Variants in FMN2 observed in about 807,000 individuals in gnomAD.
FMN2 encodes formin 2.
Under a neutral mutation model 142.3 loss-of-function variants are expected in FMN2, and 51 were observed. That is an observed-to-expected ratio of 0.36 (90% confidence interval 0.29 to 0.45). FMN2 has a LOEUF of 0.45. FMN2 is among the 20% of genes least tolerant of loss of function. The probability of loss-of-function intolerance (pLI) is 1.00; values close to 1 mark genes in which losing one functional copy is unlikely to be tolerated. For missense variants in FMN2, 1,936 were observed against 2,122.8 expected, an observed-to-expected ratio of 0.91 and a Z score of 1.73; for synonymous variants, 882 against 869.8, an observed-to-expected ratio of 1.01 and a Z score of -0.25.
At chr1:240,114,811 C>T (rs1378290734) in intron 1 of FMN2, among the ~76,000 whole-genome samples, 2 of 152,052 alleles carry the variant, frequency 1.3e-5, no homozygotes, top group Non-Finnish European at 2.9e-5. Context: ...GCATGCTCCA[C>T]CATGCCCAGC....
At chr1:240,324,416 G>A (rs757266367) in intron 8 of FMN2, among the ~76,000 whole-genome samples, 4 of 152,228 alleles carry the variant, frequency 2.6e-5, no homozygotes, top group South Asian at 2.1e-4. Context: ...CCAGCACTTC[G>A]GGAGCTCCAG....
chr1:240,276,383 T>C (rs1572145503), intron 7 of FMN2, among the ~76,000 whole-genome samples: 1 of 152,128 alleles, frequency 6.6e-6, no homozygotes, highest in Non-Finnish European at 1.5e-5. Flanking sequence ...TGGTTAAGAA[T>C]GTGTGTTAGG....
chr1:240,094,241 A>T (rs532332664), intron 1 of FMN2, among the ~76,000 whole-genome samples: 1 of 152,214 alleles, frequency 6.6e-6, no homozygotes, highest in South Asian at 2.1e-4. Context: ...TGTATGTGAT[A>T]TGTAGTTTCT....
intron 1 of FMN2, among the ~76,000 whole-genome samples, chr1:240,101,920 T>C (rs1369485597): frequency 6.6e-6 from 1 of 152,160 alleles, no homozygotes; most frequent in African/African-American, 2.4e-5. Flanking sequence ...GCACAAAATA[T>C]ACTGAGTCAT....
intron 3 of FMN2, among the ~76,000 whole-genome samples, chr1:240,181,354 C>G (rs1403798754): frequency 2.6e-5 from 4 of 152,156 alleles, no homozygotes; most frequent in African/African-American, 9.7e-5. Flanking sequence ...CCAGCTAGTT[C>G]AGATTTGTGG....
chr1:240,321,765 A>G (rs1670980260), intron 8 of FMN2, among the ~76,000 whole-genome samples: 1 of 152,216 alleles, frequency 6.6e-6, no homozygotes, highest in Non-Finnish European at 1.5e-5. Flanking sequence ...TATAAGCCAG[A>G]CAATAAACAG....
rs192873868 is a variant in FMN2, at chr1:240,148,747, G to A, written c.1782+25402G>A. 1.0e-2 allele frequency among the ~76,000 whole-genome samples: 1,517 copies of A among 152,230 alleles called. 16 individuals are homozygous for A. The highest frequency in any genetic ancestry group is 0.016 in the Non-Finnish European group (1,109 of 68,010). On this transcript the variant is annotated intron_variant, in intron 2 of 17. Coordinates refer to ENST00000319653, the MANE Select transcript of FMN2 (RefSeq NM_020066.5). ...TGTAATCCCAGCACTTTGGGAGGCC[G>A]AGGCGGGCGGATCACGAGGTCAGGA...
intron 2 of FMN2, among the ~76,000 whole-genome samples, chr1:240,176,622 C>G (rs1207251759): frequency 6.6e-6 from 1 of 152,178 alleles, no homozygotes; most frequent in African/African-American, 2.4e-5. Flanking sequence ...TTCAGGTTCT[C>G]CAATGATAGC....
chr1:240,103,235 A>T (rs1335299382), intron 1 of FMN2, among the ~76,000 whole-genome samples: 1 of 152,206 alleles, frequency 6.6e-6, no homozygotes, highest in Non-Finnish European at 1.5e-5. Context: ...GATCATTTTC[A>T]TATCATCTGC....
At chr1:240,257,909 T>G in intron 6 of FMN2, 36 bp from the exon 7 acceptor site, 1 of 1,573,830 alleles carries the variant, frequency 6.4e-7, no homozygotes, top group Non-Finnish European at 8.7e-7. Context: ...GGAGTTCAAA[T>G]TAACATTTTC....
At chr1:240,239,066 A>T (rs570183998) in intron 6 of FMN2, among the ~76,000 whole-genome samples, 1 of 152,346 alleles carries the variant, frequency 6.6e-6, no homozygotes, top group Non-Finnish European at 1.5e-5. Context: ...TTTGTAAGCA[A>T]TAATTAAATG....
At chr1:240,419,582 G>A (rs933116590) in intron 15 of FMN2, among the ~76,000 whole-genome samples, 1 of 152,160 alleles carries the variant, frequency 6.6e-6, no homozygotes, top group African/African-American at 2.4e-5. Flanking sequence ...GGAAGCTGTG[G>A]GTCTCTGGAA....
intron 2 of FMN2, among the ~76,000 whole-genome samples, chr1:240,151,830 G>T (rs780153467): frequency 6.6e-6 from 1 of 151,990 alleles, no homozygotes; most frequent in South Asian, 2.1e-4. Flanking sequence ...GCAATGCTGC[G>T]ATCATAGCTC....
Position 240,355,951 on chromosome 1 carries a change from C to CAAAAAAAAAAAAAAAAAAAAAAAAA in FMN2, c.4858+54_4858+78dup, listed in dbSNP as rs58002724. 1.0e-4 allele frequency: 26 copies of CAAAAAAAAAAAAAAAAAAAAAAAAA among 252,972 alleles called. 1 individual carries two copies. Among genetic ancestry groups the CAAAAAAAAAAAAAAAAAAAAAAAAA allele is most frequent in the African/African-American group, 4.6e-4 (12 of 25,948 alleles). The allele number at this position is 252,972 out of a possible 1,614,324, so 15.7% of individuals were successfully genotyped here. ...GTGTTATGTTTTTCTCCCCTTTCAGCAAAAAAAAAAAAAAAAAAAAAAAAA... is the reference window on the plus strand; with the variant it reads ...GTGTTATGTTTTTCTCCCCTTTCAGCAAAAAAAAAAAAAAAAAAAAAAAAAAAAAAAAAAAAAAAAAAAAAAAAAA... On this transcript the variant is annotated intron_variant, in intron 14 of 17. Transcript: ENST00000319653.
Position 240,336,582 on chromosome 1 carries a change from A to AAAAAAAAAAAAAAAAAAAAG in FMN2, c.4765+2353_4765+2354insAAAAAAAAAAAAAAAAAAAG, listed in dbSNP as rs144682452. Among the ~76,000 whole-genome samples, 4 of 101,888 alleles carry AAAAAAAAAAAAAAAAAAAAG rather than the reference A, an allele frequency of 3.9e-5. 1 individual carries two copies. The highest frequency in any genetic ancestry group is 6.1e-5 in the Non-Finnish European group (3 of 49,258). The allele number at this position is 101,888 out of a possible 152,430, so 66.8% of individuals were successfully genotyped here. A position where few individuals can be genotyped will look rare whatever the true frequency, so the allele number is the denominator to read the frequency against. Reference sequence around the variant, plus strand: ...AAAAAAAAAAAAAAAAAAAAAAAAAAGGTGGTTGCAATTGTTTTCCCATTT... The same window carrying AAAAAAAAAAAAAAAAAAAAG: ...AAAAAAAAAAAAAAAAAAAAAAAAAAAAAAAAAAAAAAAAAAAAAGGGTGGTTGCAATTGTTTTCCCATTT... On this transcript the variant is annotated intron_variant, in intron 13 of 17. Transcript: ENST00000319653.
intron 7 of FMN2, among the ~76,000 whole-genome samples, chr1:240,291,447 G>A (rs1177096667): frequency 6.6e-6 from 1 of 152,162 alleles, no homozygotes; most frequent in Admixed American, 6.5e-5. Flanking sequence ...CAGCAAGGAG[G>A]AAATGAGTGT....
At chr1:240,392,484 T>A in intron 14 of FMN2, 27 bp from the exon 15 acceptor site, 3 of 1,598,744 alleles carry the variant, frequency 1.9e-6, no homozygotes, top group Non-Finnish European at 2.6e-6. Flanking sequence ...ATTTATCTCA[T>A]GTACTTTTAT....
intron 2 of FMN2, chr1:240,144,624 C>T: frequency 7.8e-7 from 1 of 1,286,504 alleles, no homozygotes; most frequent in African/African-American, 1.5e-5. Flanking sequence ...ACACCCAGGG[C>T]ACAACGCAGT....
chr1:240,443,669 C>T (rs1675704022), intron 16 of FMN2, among the ~76,000 whole-genome samples: 1 of 152,084 alleles, frequency 6.6e-6, no homozygotes, highest in Non-Finnish European at 1.5e-5. Flanking sequence ...AGAAGAATTG[C>T]TTGAACCTGG....
Sources: gnomAD v4.1 joint callset for allele counts (sites outside exome capture counted in the v4.1 genomes callset) on GRCh38, gnomAD v4.1.1 for gene constraint, MANE v1.5 for transcripts, NCBI Gene and HGNC (gene_info 2026-07-23, HGNC 2026-07-21) for gene names.